Variants in PTPRD observed in about 807,000 individuals in gnomAD.
The protein encoded by PTPRD is protein tyrosine phosphatase receptor type D.
A neutral mutation model predicts 214.5 loss-of-function variants in PTPRD; 34 were observed. The ratio of observed to expected loss-of-function variants is 0.16; its 90% CI spans 0.12 to 0.21. The LOEUF is 0.21. PTPRD is among the 10% of genes least tolerant of loss of function. The probability of loss-of-function intolerance (pLI) is 1.00; values close to 1 mark genes in which losing one functional copy is unlikely to be tolerated. For synonymous variants in PTPRD, 1,128 were observed against 845.7 expected (o/e 1.33, Z -5.79); for missense variants, 2,545 against 2,398.7 (o/e 1.06, Z -1.27).
At chr9:8,570,327 T>G (rs1292967690) in intron 14 of PTPRD, among the ~76,000 whole-genome samples, 1 of 152,182 alleles carries the variant, frequency 6.6e-6, no homozygotes, top group African/African-American at 2.4e-5. Flanking sequence ...TGCTCAAAAC[T>G]AAATTGCAAA....
In PTPRD at chr9:8,521,496, T is replaced by C. The variant is rs988387399; in HGVS notation, c.742A>G (p.Met248Val). Residue 248 changes from methionine to valine, a missense_variant, in exon 20 of 46, where the codon ATG becomes GTG. By Grantham distance (21) the Met-to-Val change is conservative (BLOSUM62 1). Transcript: ENST00000381196. ...FSIPPTNHEI[M>V]PGGSVNITCV... is the part of the protein sequence containing the mutation. ...GTGATATTAACGCTTCCGCCTGGCATGATTTCATGATTAGTGGGTGGGATA... is the reference window on the plus strand; with the variant it reads ...GTGATATTAACGCTTCCGCCTGGCACGATTTCATGATTAGTGGGTGGGATA... The C allele has an allele frequency of 1.2e-6, 2 of 1,613,878 alleles. No individual in the cohort carries two copies. Among genetic ancestry groups the C allele is most frequent in the African/African-American group, 2.7e-5 (2 of 74,920 alleles).
At chr9:9,925,623 T>G (rs2084008413) in intron 5 of PTPRD, among the ~76,000 whole-genome samples, 1 of 151,578 alleles carries the variant, frequency 6.6e-6, no homozygotes, top group Non-Finnish European at 1.5e-5. Context: ...ATGACAAAAT[T>G]TTTTAAAAAA....
chr9:8,811,693 G>T (rs1040039718), intron 11 of PTPRD, among the ~76,000 whole-genome samples: 2 of 151,754 alleles, frequency 1.3e-5, no homozygotes, highest in African/African-American at 4.8e-5. Context: ...CAACATATGT[G>T]CTTTTTCATA....
intron 4 of PTPRD, among the ~76,000 whole-genome samples, chr9:9,947,527 T>TATAC (rs2092877337): frequency 9.1e-5 from 2 of 21,898 alleles, no homozygotes; most frequent in South Asian, 2.7e-3. Context: ...ATATATTATA[T>TATAC]ATATTTTATA....
intron 3 of PTPRD, among the ~76,000 whole-genome samples, chr9:10,155,965 G>C (rs1211661163): frequency 6.6e-6 from 1 of 152,010 alleles, no homozygotes; most frequent in Admixed American, 6.6e-5. Context: ...TTCATAGAAT[G>C]AGTTAGGGAA....
At chr9:9,022,881 G>A (rs78947125) in intron 10 of PTPRD, among the ~76,000 whole-genome samples, 4,803 of 152,156 alleles carry the variant, frequency 0.032, 90 homozygotes, top group East Asian at 0.068. Context: ...AACAATATTG[G>A]AATTATAGTG....
intron 5 of PTPRD, among the ~76,000 whole-genome samples, chr9:9,932,502 T>G (rs2087109289): frequency 1.5e-5 from 2 of 132,130 alleles, no homozygotes; most frequent in Non-Finnish European, 3.1e-5. Flanking sequence ...ATGAATGAAA[T>G]GAAGCGAGAA....
intron 3 of PTPRD, among the ~76,000 whole-genome samples, chr9:10,172,904 C>T (rs2099219603): frequency 6.6e-6 from 1 of 152,110 alleles, no homozygotes; most frequent in African/African-American, 2.4e-5. Flanking sequence ...GAGGAGATAC[C>T]CATGCATACT....
intron 5 of PTPRD, among the ~76,000 whole-genome samples, chr9:9,844,708 T>C (rs934771341): frequency 6.6e-6 from 1 of 151,932 alleles, no homozygotes; most frequent in African/African-American, 2.4e-5. Context: ...TTATATTGTA[T>C]AAATAAATCT....
chr9:8,365,201 T>A (rs2079521671), intron 39 of PTPRD, among the ~76,000 whole-genome samples: 1 of 152,102 alleles, frequency 6.6e-6, no homozygotes, highest in Non-Finnish European at 1.5e-5. Context: ...TCTGGAAATG[T>A]CCCTTCCACG....
At chr9:9,391,103 C>G (rs2065689288) in intron 9 of PTPRD, among the ~76,000 whole-genome samples, 1 of 152,042 alleles carries the variant, frequency 6.6e-6, no homozygotes, top group Non-Finnish European at 1.5e-5. Flanking sequence ...TCAGAAATGT[C>G]AAATATGAAT....
Position 10,138,335 on chromosome 9 carries a change from C to T in PTPRD, c.-544-104545G>A, listed in dbSNP as rs953365501. Reference sequence around the variant, plus strand: ...AACACACAACCTCCCAAGATTGAACCATGAAAAAATTAAAAACCTAACAGA... The same window carrying T: ...AACACACAACCTCCCAAGATTGAACTATGAAAAAATTAAAAACCTAACAGA... On this transcript the variant is annotated intron_variant, in intron 3 of 45. Transcript: ENST00000381196. Among the ~76,000 whole-genome samples, 6 of 151,914 alleles carry T rather than the reference C, an allele frequency of 3.9e-5. No homozygotes were observed. In the South Asian group the frequency reaches 1.0e-3, roughly 26 times the overall value.
At chr9:8,393,188 C>G (rs1413651751) in intron 36 of PTPRD, among the ~76,000 whole-genome samples, 1 of 152,006 alleles carries the variant, frequency 6.6e-6, no homozygotes, top group Admixed American at 6.6e-5. Flanking sequence ...AATTCCCTGC[C>G]TTTTCCAAAA....
At chr9:9,602,867 T>C (rs181242119) in intron 7 of PTPRD, among the ~76,000 whole-genome samples, 1 of 152,288 alleles carries the variant, frequency 6.6e-6, no homozygotes. Flanking sequence ...TCTATGTGAA[T>C]GATTCAGCAA....
At chr9:9,516,824 C>G (rs149810659) in intron 8 of PTPRD, among the ~76,000 whole-genome samples, 12 of 152,178 alleles carry the variant, frequency 7.9e-5, no homozygotes, top group African/African-American at 2.2e-4. Context: ...GTGTGAGCCA[C>G]CACAATATCT....
At chr9:9,358,290 G>A (rs2138816267) in intron 9 of PTPRD, among the ~76,000 whole-genome samples, 1 of 151,046 alleles carries the variant, frequency 6.6e-6, no homozygotes, top group South Asian at 2.1e-4. Context: ...TATGCTATTT[G>A]CTTATTACTT....
intron 3 of PTPRD, among the ~76,000 whole-genome samples, chr9:10,160,910 T>C (rs997594239): frequency 2.6e-5 from 4 of 151,940 alleles, no homozygotes; most frequent in Admixed American, 6.6e-5. Context: ...TCAGTAGCAG[T>C]TATATAATTC....
intron 44 of PTPRD, among the ~76,000 whole-genome samples, chr9:8,330,858 T>C (rs1230447603): frequency 6.6e-6 from 1 of 152,094 alleles, no homozygotes; most frequent in East Asian, 1.9e-4. Flanking sequence ...AGTTTCACCA[T>C]AAAAAGATTA....
At chr9:8,945,384 C>T (rs2099057630) in intron 11 of PTPRD, among the ~76,000 whole-genome samples, 1 of 152,056 alleles carries the variant, frequency 6.6e-6, no homozygotes, top group African/African-American at 2.4e-5. Context: ...GTCACCAAGA[C>T]TTGTTCATCT....
Sources: gnomAD v4.1 joint callset for allele counts (sites outside exome capture counted in the v4.1 genomes callset) on GRCh38, gnomAD v4.1.1 for gene constraint, MANE v1.5 for transcripts, NCBI Gene and HGNC (gene_info 2026-07-23, HGNC 2026-07-21) for gene names.